The following SLC41A2 variants were observed in gnomAD, a reference collection of about 807,000 sequenced individuals.
The protein encoded by SLC41A2 is SLC41A1-like 1.
Under a neutral mutation model 58.3 loss-of-function variants are expected in SLC41A2, and 32 were observed. The observed-to-expected ratio is 0.55, with a 90% CI of 0.41 to 0.74. The LOEUF (loss-of-function observed/expected upper bound fraction) is 0.74, where lower values mean the gene tolerates loss of function less well. Among genes scored for constraint, SLC41A2 ranks in the 30% least tolerant of loss-of-function variants. The pLI, the probability that SLC41A2 is intolerant of heterozygous loss-of-function variation, is 0.00. For missense variants in SLC41A2, 514 were observed against 680.6 expected (o/e 0.76, Z 2.72); for synonymous variants, 190 against 235.0 (o/e 0.81, Z 1.75).
intron 8 of SLC41A2, among the ~76,000 whole-genome samples, chr12:104,856,122 G>C (rs948422390): frequency 1.3e-5 from 2 of 152,118 alleles, no homozygotes; most frequent in African/African-American, 4.8e-5. Flanking sequence ...TGATATTGCT[G>C]GTCTGGGGAC....
chr12:104,948,208 G>A (rs2047804777), intron 1 of SLC41A2, among the ~76,000 whole-genome samples: 1 of 152,102 alleles, frequency 6.6e-6, no homozygotes, highest in African/African-American at 2.4e-5. Flanking sequence ...CTAAGTCCCA[G>A]TAGAATACAC....
In SLC41A2 at chr12:104,844,629, T is replaced by C. The variant is rs1231965419; in HGVS notation, c.1388-9A>G. The C allele has an allele frequency of 6.8e-7, 1 of 1,462,194 alleles. No homozygotes were observed. Among genetic ancestry groups the C allele is most frequent in the Non-Finnish European group, 9.1e-7 (1 of 1,100,808 alleles). 90.6% of individuals were successfully genotyped at this position (1,462,194 alleles called of 1,614,324 possible). A position where few individuals can be genotyped will look rare whatever the true frequency, so the allele number is the denominator to read the frequency against. On this transcript the variant is annotated splice_polypyrimidine_tract_variant and intron_variant, in intron 9 of 10. Transcript: ENST00000258538. ...AGACTTATTATTTACTCCTGTAATA[T>C]AAAATGTAAAAGTAATTAAAACAAA...
chr12:104,895,204 C>T, intron 4 of SLC41A2, 70 bp downstream of exon 4: 4 of 1,119,288 alleles, frequency 3.6e-6, no homozygotes, highest in South Asian at 1.3e-5. Flanking sequence ...CTAAAATTTA[C>T]ACCAATCTTA....
chr12:104,889,186 T>G lies in SLC41A2; in HGVS notation c.736-9A>C. 6.3e-7 allele frequency: 1 copy of G among 1,598,964 alleles called. No homozygotes were observed. The highest frequency in any genetic ancestry group is 8.5e-7 in the Non-Finnish European group (1 of 1,176,222). On this transcript the variant is annotated splice_polypyrimidine_tract_variant and intron_variant, in intron 4 of 10. Coordinates refer to ENST00000258538, the MANE Select transcript of SLC41A2 (RefSeq NM_001352171.3). ...ACTACTGTTGCCTGAACCTAAAATT[T>G]TTTTCATAAATCCAACTGAATTATT...
At chr12:104,908,979 A>G (rs1362244131) in intron 3 of SLC41A2, among the ~76,000 whole-genome samples, 1 of 152,240 alleles carries the variant, frequency 6.6e-6, no homozygotes. Context: ...ATAATAGATG[A>G]TGAAGTAAAC....
intron 9 of SLC41A2, among the ~76,000 whole-genome samples, chr12:104,845,219 G>A: frequency 6.6e-6 from 1 of 152,116 alleles, no homozygotes. Context: ...CTGAGCCCAG[G>A]AGTTTGAGGT....
intron 8 of SLC41A2, among the ~76,000 whole-genome samples, chr12:104,852,510 T>C (rs866123499): frequency 6.6e-6 from 1 of 152,208 alleles, no homozygotes; most frequent in Admixed American, 6.5e-5. Flanking sequence ...AAACTACTTT[T>C]ATCATTTCTT....
chr12:104,886,697 A>G (rs2044685670), intron 5 of SLC41A2, among the ~76,000 whole-genome samples: 1 of 152,060 alleles, frequency 6.6e-6, no homozygotes, highest in Non-Finnish European at 1.5e-5. Context: ...ATTATGGTAA[A>G]GCTAAAATTT....
At chr12:104,904,554 T>G (rs943418740) in intron 3 of SLC41A2, among the ~76,000 whole-genome samples, 1 of 150,466 alleles carries the variant, frequency 6.6e-6, no homozygotes, top group African/African-American at 2.4e-5. Flanking sequence ...GGGTTCTTGG[T>G]CTCACTGACT....
intron 9 of SLC41A2, among the ~76,000 whole-genome samples, chr12:104,845,605 C>A (rs959131340): frequency 1.3e-5 from 2 of 152,114 alleles, no homozygotes; most frequent in African/African-American, 2.4e-5. Context: ...TAAGGTTTCT[C>A]TTTCACAACT....
At chr12:104,820,325 T>C (rs2041576937) in intron 10 of SLC41A2, among the ~76,000 whole-genome samples, 1 of 152,188 alleles carries the variant, frequency 6.6e-6, no homozygotes, top group African/African-American at 2.4e-5. Flanking sequence ...AAGCCAGGCA[T>C]GGCGGTGCAC....
intron 1 of SLC41A2, among the ~76,000 whole-genome samples, chr12:104,944,152 C>T (rs1298181157): frequency 6.6e-6 from 1 of 152,152 alleles, no homozygotes; most frequent in Non-Finnish European, 1.5e-5. Flanking sequence ...TCATGGCTAT[C>T]ACATCTTAAA....
At chr12:104,882,155 T>G (rs530259809) in intron 6 of SLC41A2, among the ~76,000 whole-genome samples, 50 of 152,144 alleles carry the variant, frequency 3.3e-4, no homozygotes, top group African/African-American at 1.2e-3. Context: ...TTTTTTTTTG[T>G]TTTCCATTTG....
intron 3 of SLC41A2, among the ~76,000 whole-genome samples, chr12:104,905,753 CG>C (rs1265164198): frequency 6.6e-6 from 1 of 152,246 alleles, no homozygotes; most frequent in Non-Finnish European, 1.5e-5. Flanking sequence ...GCCACTGGCC[CG>C]GGTGCTAAGT....
At chr12:104,947,181 C>A (rs916730480) in intron 1 of SLC41A2, among the ~76,000 whole-genome samples, 5 of 127,418 alleles carry the variant, frequency 3.9e-5, no homozygotes, top group Non-Finnish European at 8.5e-5. Context: ...GAATTTCTGG[C>A]TTTTATTTTT....
chr12:104,872,709 G>A (rs1333389704), intron 6 of SLC41A2, among the ~76,000 whole-genome samples: 2 of 152,202 alleles, frequency 1.3e-5, no homozygotes, highest in East Asian at 1.9e-4. Context: ...CAGCCTGGGC[G>A]ACAGTCGAGC....
At chr12:104,863,946 T>A (rs899372017) in intron 7 of SLC41A2, among the ~76,000 whole-genome samples, 2 of 151,904 alleles carry the variant, frequency 1.3e-5, no homozygotes, top group African/African-American at 2.4e-5. Flanking sequence ...GTCAAACTCA[T>A]CAATTCCACT....
At chr12:104,933,622 G>A (rs1049746877) in intron 1 of SLC41A2, among the ~76,000 whole-genome samples, 8 of 151,910 alleles carry the variant, frequency 5.3e-5, no homozygotes, top group African/African-American at 1.9e-4. Context: ...CAATTGCAAA[G>A]ATATGGAACA....
At chr12:104,848,561 C>G (rs2042688859) in intron 8 of SLC41A2, among the ~76,000 whole-genome samples, 1 of 151,916 alleles carries the variant, frequency 6.6e-6, no homozygotes, top group East Asian at 1.9e-4. Context: ...GACACAAATT[C>G]TAATATCAAG....
Sources: gnomAD v4.1 joint callset for allele counts (sites outside exome capture counted in the v4.1 genomes callset) on GRCh38, gnomAD v4.1.1 for gene constraint, MANE v1.5 for transcripts, NCBI Gene and HGNC (gene_info 2026-07-23, HGNC 2026-07-21) for gene names.